Variants in MAPK14 observed in about 807,000 individuals in gnomAD.
MAPK14 encodes CSAID-binding protein.
Under a neutral mutation model 49.6 loss-of-function variants are expected in MAPK14, and 16 were observed. The ratio of observed to expected loss-of-function variants is 0.32; its 90% CI spans 0.22 to 0.49. MAPK14 has a LOEUF of 0.49. Among genes scored for constraint, MAPK14 ranks in the 20% least tolerant of loss-of-function variants. The probability of loss-of-function intolerance (pLI) is 0.99; values close to 1 mark genes in which losing one functional copy is unlikely to be tolerated. For synonymous variants in MAPK14, 142 were observed against 158.0 expected (o/e 0.90, Z 0.76); for missense variants, 200 against 441.2 (o/e 0.45, Z 4.90).
intron 1 of MAPK14, among the ~76,000 whole-genome samples, chr6:36,032,748 G>A (rs1762590427): frequency 6.6e-6 from 1 of 152,228 alleles, no homozygotes; most frequent in African/African-American, 2.4e-5. Context: ...TTACAGCCTA[G>A]TGGGTTTAAT....
At chr6:36,092,592 T>C in intron 8 of MAPK14, 3 of 453,304 alleles carry the variant, frequency 6.6e-6, no homozygotes, top group Non-Finnish European at 1.3e-5. Flanking sequence ...AATTAACTCC[T>C]CTGAAATAAT....
At chr6:36,095,929 ATTGT>A (rs1352799978) in intron 8 of MAPK14, 54 bp from the exon 9 acceptor site, 24 of 1,075,342 alleles carry the variant, frequency 2.2e-5, no homozygotes, top group Admixed American at 3.8e-5. Context: ...TTTGTTTGTC[ATTGT>A]TTGTTTTTCA....
In MAPK14 at chr6:36,027,812, G is replaced by A. The variant is rs1406902037; in HGVS notation, c.-346G>A. 2.5e-6 allele frequency: 1 copy of A among 400,648 alleles called. No homozygotes were observed. The highest frequency in any genetic ancestry group is 2.1e-5 in the African/African-American group (1 of 48,652). 24.8% of individuals were successfully genotyped at this position (400,648 alleles called of 1,614,324 possible). A position where few individuals can be genotyped will look rare whatever the true frequency, so the allele number is the denominator to read the frequency against. ...CTGGCTCTTGGAACCGCGACCACTG[G>A]AGCCTTAGCGGGCGCAGCAGCTGGA... is the stretch of plus-strand genomic sequence containing the variant. On this transcript the variant is annotated 5_prime_UTR_variant, in exon 1 of 12. Transcript: ENST00000229794.
intron 2 of MAPK14, among the ~76,000 whole-genome samples, chr6:36,058,161 T>G (rs1169750717): frequency 6.6e-6 from 1 of 152,204 alleles, no homozygotes; most frequent in Non-Finnish European, 1.5e-5. Context: ...TTGTCTGATT[T>G]AAATACCCTA....
chr6:36,065,749 C>A (rs1764029637), intron 3 of MAPK14, among the ~76,000 whole-genome samples: 1 of 151,962 alleles, frequency 6.6e-6, no homozygotes, highest in African/African-American at 2.4e-5. Flanking sequence ...ACTCTCTCCC[C>A]CTTCCTCCCC....
At chr6:36,101,648 G>A (rs1055912618) in intron 9 of MAPK14, among the ~76,000 whole-genome samples, 27 of 151,950 alleles carry the variant, frequency 1.8e-4, no homozygotes, top group African/African-American at 6.5e-4. Flanking sequence ...CAAGTAGCTG[G>A]GACCACAGGC....
chr6:36,093,406 C>G (rs572066285), intron 8 of MAPK14, among the ~76,000 whole-genome samples: 4 of 152,214 alleles, frequency 2.6e-5, no homozygotes, highest in African/African-American at 9.6e-5. Context: ...GAGAGCCTGT[C>G]TTCCTTAGAG....
chr6:36,050,550 T>C (rs1464155040), intron 1 of MAPK14, among the ~76,000 whole-genome samples: 1 of 152,108 alleles, frequency 6.6e-6, no homozygotes. Flanking sequence ...GATGTTGAAG[T>C]TGCCAAGAAT....
At chr6:36,088,163 C>G (rs754923531) in intron 8 of MAPK14, among the ~76,000 whole-genome samples, 1 of 152,060 alleles carries the variant, frequency 6.6e-6, no homozygotes, top group Non-Finnish European at 1.5e-5. Context: ...GAACCCAAAA[C>G]GATAAAAACC....
At chr6:36,079,862 A>G (rs946768274) in intron 8 of MAPK14, among the ~76,000 whole-genome samples, 3 of 152,246 alleles carry the variant, frequency 2.0e-5, no homozygotes, top group Non-Finnish European at 4.4e-5. Context: ...TGGAGAAGAA[A>G]AAAAAGAAAT....
At chr6:36,115,621 A>G (rs998542760), downstream of MAPK14, among the ~76,000 whole-genome samples, 1 of 151,954 alleles carries the variant, frequency 6.6e-6, no homozygotes, top group African/African-American at 2.4e-5. Flanking sequence ...CCGTCTCTAC[A>G]GAAAATTTTT....
rs115856784 is a variant in MAPK14 at position 36,096,018 on chromosome 6, C to T, written c.714C>T (p.Leu238=). Residue 238 remains leucine (L), a synonymous_variant, in exon 9 of 12, where the codon CTC becomes CTT. Transcript: ENST00000229794. ...ATCAGTTGAAGCTCATTTTAAGACT[C>T]GTTGGAACCCCAGGGGCTGAGCTTT... is the stretch of plus-strand genomic sequence containing the variant. The part of the protein sequence containing the change: ...HIDQLKLILR[L]VGTPGAELLK... 1,280 of 1,613,042 alleles carry T rather than the reference C, an allele frequency of 7.9e-4. 4 individuals are homozygous for T. The African/African-American group carries it at 8.6e-3, about 11-fold the overall frequency.
At chr6:36,070,867 T>C (rs1764243073) in intron 3 of MAPK14, among the ~76,000 whole-genome samples, 1 of 152,100 alleles carries the variant, frequency 6.6e-6, no homozygotes, top group Non-Finnish European at 1.5e-5. Flanking sequence ...TATAATATAT[T>C]AATAATAGAT....
rs114135498 is a variant in MAPK14, at chr6:36,105,090, C to T, written c.842-2365C>T. On this transcript the variant is annotated intron_variant, in intron 10 of 11. Transcript: ENST00000229794. ...GAGCACAGTGTTACTATCACAAGCT[C>T]GTGCCCAGCATATTAACTGAGCAGG... Among the ~76,000 whole-genome samples, 1,007 of 152,246 alleles carry T rather than the reference C, an allele frequency of 6.6e-3. 9 individuals carry two copies. The highest frequency in any genetic ancestry group is 0.023 in the African/African-American group (940 of 41,528).
At chr6:36,091,820 A>C (rs939597937) in intron 8 of MAPK14, among the ~76,000 whole-genome samples, 1 of 150,132 alleles carries the variant, frequency 6.7e-6, no homozygotes, top group East Asian at 1.9e-4. Flanking sequence ...GTTGAAAAGC[A>C]TAATATGGCT....
At chr6:36,083,368 A>G (rs1288498108) in intron 8 of MAPK14, among the ~76,000 whole-genome samples, 1 of 152,244 alleles carries the variant, frequency 6.6e-6, no homozygotes, top group Admixed American at 6.5e-5. Context: ...TCATGAGCAC[A>G]TGCCACCAGG....
chr6:36,039,484 T>A (rs1762874754), intron 1 of MAPK14, among the ~76,000 whole-genome samples: 1 of 150,456 alleles, frequency 6.6e-6, no homozygotes. Flanking sequence ...TGTGTGTGTG[T>A]GAGTATGTGT....
chr6:36,057,723 A>G (rs958318109), intron 2 of MAPK14, among the ~76,000 whole-genome samples: 2 of 146,188 alleles, frequency 1.4e-5, no homozygotes, highest in African/African-American at 5.0e-5. Context: ...TGTCTCAAAG[A>G]AAAAAAAAAA....
At chr6:36,074,191 C>A in intron 6 of MAPK14, 95 bp downstream of exon 6, 1 of 798,422 alleles carries the variant, frequency 1.3e-6, no homozygotes, top group Non-Finnish European at 2.0e-6. Flanking sequence ...CTTTGTGAGC[C>A]ATGACTATCT....
Sources: allele counts gnomAD v4.1 joint callset (sites outside exome capture counted in the v4.1 genomes callset), GRCh38; gene constraint gnomAD v4.1.1; transcripts MANE v1.5; gene names NCBI Gene and HGNC (gene_info 2026-07-23, HGNC 2026-07-21).